Variants in GPM6A observed in about 807,000 individuals in gnomAD.
GPM6A encodes glycoprotein M6A, also known as neuronal membrane glycoprotein M6-a.
In GPM6A, 7 loss-of-function variants were observed where a neutral mutation model predicts 32.1. The ratio of observed to expected loss-of-function variants is 0.22; its 90% confidence interval spans 0.12 to 0.41. The LOEUF (loss-of-function observed/expected upper bound fraction) is 0.41. Ranked by LOEUF, GPM6A falls within the 10% of genes least tolerant of loss-of-function variation. The pLI, the probability that GPM6A is intolerant of heterozygous loss-of-function variation, is 1.00. For synonymous variants in GPM6A, 130 were observed against 123.4 expected (o/e 1.05, Z -0.35); for missense variants, 235 against 347.2 (o/e 0.68, Z 2.57).
chr4:175,815,069 G>A (rs890510550), upstream of GPM6A, among the ~76,000 whole-genome samples: 66 of 152,012 alleles, frequency 4.3e-4, 1 homozygote, highest in African/African-American at 1.5e-3. Context: ...AGAGTGCAGT[G>A]GCATGATCTC....
chr4:175,936,205 C>T (rs1739220962), intron 1 of GPM6A, among the ~76,000 whole-genome samples: 1 of 141,322 alleles, frequency 7.1e-6, no homozygotes, highest in Non-Finnish European at 1.5e-5. Context: ...ACTCGGGAGG[C>T]TGAGGCAGGA....
chr4:175,875,076 G>C (rs1434123523), intron 1 of GPM6A, among the ~76,000 whole-genome samples: 3 of 152,142 alleles, frequency 2.0e-5, no homozygotes. Flanking sequence ...CCAAGAGGCA[G>C]AAATGTGTCC....
At chr4:175,884,697 AT>A (rs574706930) in intron 1 of GPM6A, among the ~76,000 whole-genome samples, 2 of 151,252 alleles carry the variant, frequency 1.3e-5, no homozygotes, top group Non-Finnish European at 1.5e-5. Flanking sequence ...AGCCCGGCTA[AT>A]TTTTTTTGTA....
chr4:175,639,028 AC>A (rs367664257), intron 6 of GPM6A, among the ~76,000 whole-genome samples: 38 of 152,142 alleles, frequency 2.5e-4, no homozygotes, highest in African/African-American at 8.2e-4. Context: ...ACGTTCTGAA[AC>A]AAAATTTCTA....
chr4:175,761,541 A>G (rs1732740924), intron 1 of GPM6A, among the ~76,000 whole-genome samples: 1 of 152,136 alleles, frequency 6.6e-6, no homozygotes, highest in East Asian at 1.9e-4. Flanking sequence ...TTGACCCACA[A>G]TTGTATTTAA....
chr4:175,883,470 C>A (rs1307647746), intron 1 of GPM6A, among the ~76,000 whole-genome samples: 3 of 151,990 alleles, frequency 2.0e-5, no homozygotes, highest in African/African-American at 7.2e-5. Context: ...CTTCAAAATC[C>A]AGTAAGCATT....
At chr4:175,880,745 G>A (rs1223772960) in intron 1 of GPM6A, among the ~76,000 whole-genome samples, 1 of 152,170 alleles carries the variant, frequency 6.6e-6, no homozygotes, top group Non-Finnish European at 1.5e-5. Flanking sequence ...TTTGTATCCT[G>A]AGACTGCTGA....
At chr4:175,685,753 T>G (rs1435784486) in intron 2 of GPM6A, among the ~76,000 whole-genome samples, 1 of 152,200 alleles carries the variant, frequency 6.6e-6, no homozygotes, top group Non-Finnish European at 1.5e-5. Flanking sequence ...TTGACTTTAG[T>G]GGGAGTGTCT....
At chr4:175,943,675 A>C (rs1270231252) in intron 1 of GPM6A, among the ~76,000 whole-genome samples, 1 of 152,148 alleles carries the variant, frequency 6.6e-6, no homozygotes, top group Non-Finnish European at 1.5e-5. Context: ...TATGTGATGG[A>C]TGATGTGTAT....
intron 1 of GPM6A, 197 bp downstream of exon 1, chr4:175,811,994 A>G (rs992059391): frequency 2.5e-5 from 13 of 525,210 alleles, no homozygotes; most frequent in Admixed American, 2.3e-4. Flanking sequence ...TTCGGTACTT[A>G]TATCTGAAAG....
chr4:175,748,962 A>G (rs1732212472), intron 1 of GPM6A, among the ~76,000 whole-genome samples: 1 of 152,044 alleles, frequency 6.6e-6, no homozygotes, highest in Non-Finnish European at 1.5e-5. Flanking sequence ...CTTTTCTTAA[A>G]CCTCATAAAT....
chr4:175,947,623 C>T (rs888353881), intron 1 of GPM6A: 2 of 152,078 alleles, frequency 1.3e-5, no homozygotes, highest in African/African-American at 4.8e-5. Flanking sequence ...ACGTATTCTG[C>T]AAATGTTCTT....
chr4:175,640,812 C>T lies in GPM6A; in HGVS notation c.559G>A (p.Glu187Lys). Reference protein sequence around the residue: ...LRQFGIVTIGEEKKICTVSEN... With the variant: ...LRQFGIVTIGKEKKICTVSEN... ...GAGACAGTACAAATTTTCTTTTCCTCTCCAATTGTCACAATTCCTACAATG... is the reference window on the plus strand; with the variant it reads ...GAGACAGTACAAATTTTCTTTTCCTTTCCAATTGTCACAATTCCTACAATG... Residue 187 changes from glutamate to lysine, a missense_variant, in exon 5 of 7, where the codon GAG becomes AAG. This residue lies in a region of GPM6A where 107 missense variants were observed against 116.7 expected (regional missense o/e 0.92). Coordinates refer to ENST00000393658, the MANE Select transcript of GPM6A (RefSeq NM_201591.3). 6.2e-7 allele frequency: 1 copy of T among 1,604,276 alleles called. No homozygotes were observed. The highest frequency in any genetic ancestry group is 8.5e-7 in the Non-Finnish European group (1 of 1,171,540).
At chr4:175,754,693 A>G (rs1409795527) in intron 1 of GPM6A, among the ~76,000 whole-genome samples, 1 of 152,184 alleles carries the variant, frequency 6.6e-6, no homozygotes, top group African/African-American at 2.4e-5. Context: ...ATCTAGAAGT[A>G]CATTCACATT....
intron 1 of GPM6A, chr4:175,787,626 T>C (rs1579500578): frequency 6.1e-6 from 8 of 1,303,396 alleles, no homozygotes; most frequent in Non-Finnish European, 7.8e-6. Flanking sequence ...CCCATGTATC[T>C]AATTGCTTTA....
chr4:175,685,731 C>A (rs1477420938), intron 2 of GPM6A, among the ~76,000 whole-genome samples: 1 of 152,066 alleles, frequency 6.6e-6, no homozygotes, highest in African/African-American at 2.4e-5. Flanking sequence ...GAGATTCTAG[C>A]CTTCTTTGTT....
intron 1 of GPM6A, among the ~76,000 whole-genome samples, chr4:175,797,054 A>G (rs1734261593): frequency 6.6e-6 from 1 of 152,164 alleles, no homozygotes; most frequent in East Asian, 1.9e-4. Flanking sequence ...AAATACTGGC[A>G]AATTTAATAT....
At chr4:175,749,887 T>C (rs1010039378) in intron 1 of GPM6A, among the ~76,000 whole-genome samples, 2 of 152,168 alleles carry the variant, frequency 1.3e-5, no homozygotes, top group African/African-American at 2.4e-5. Flanking sequence ...CCCCACATCA[T>C]CTATGCCTTC....
intron 3 of GPM6A, among the ~76,000 whole-genome samples, chr4:175,658,103 T>C (rs1742189668): frequency 6.6e-6 from 1 of 152,182 alleles, no homozygotes; most frequent in African/African-American, 2.4e-5. Flanking sequence ...AAATTCTTTT[T>C]AAGTGATTTG....
Sources: gnomAD v4.1 joint callset for allele counts (sites outside exome capture counted in the v4.1 genomes callset) on GRCh38, gnomAD v4.1.1 for gene constraint, gnomAD v4.1.1 regional missense constraint, MANE v1.5 for transcripts, NCBI Gene and HGNC (gene_info 2026-07-23, HGNC 2026-07-21) for gene names.